The following SLC7A1 variants were observed in gnomAD, a reference collection of about 807,000 sequenced individuals.
SLC7A1 encodes solute carrier family 7 member 1.
A neutral mutation model predicts 53.9 loss-of-function variants in SLC7A1; 10 were observed. That is an observed-to-expected ratio of 0.19 (90% confidence interval 0.11 to 0.31). The LOEUF (loss-of-function observed/expected upper bound fraction) is 0.31. Among genes scored for constraint, SLC7A1 ranks in the 10% least tolerant of loss-of-function variants. The pLI is 1.00. For synonymous variants in SLC7A1, 342 were observed against 338.7 expected (o/e 1.01, Z -0.11); for missense variants, 525 against 827.2 (o/e 0.63, Z 4.48).
intron 1 of SLC7A1, among the ~76,000 whole-genome samples, chr13:29,591,701 AG>A (rs1872118815): frequency 1.3e-5 from 2 of 152,164 alleles, no homozygotes; most frequent in Non-Finnish European, 2.9e-5. Flanking sequence ...CAGAAAAGGG[AG>A]GGGGGCAAGG....
chr13:29,566,019 T>C (rs1870953847), intron 1 of SLC7A1, among the ~76,000 whole-genome samples: 1 of 152,204 alleles, frequency 6.6e-6, no homozygotes, highest in Non-Finnish European at 1.5e-5. Flanking sequence ...TTATTTATCC[T>C]TTCTGGGGCC....
chr13:29,524,039 C>T (rs2139081205), intron 6 of SLC7A1, 93 bp downstream of exon 6: 9 of 1,310,382 alleles, frequency 6.9e-6, no homozygotes, highest in South Asian at 1.3e-5. Flanking sequence ...AGAGCGGCGA[C>T]TGGACCGTGC....
chr13:29,590,671 G>A (rs1249201740), intron 1 of SLC7A1, among the ~76,000 whole-genome samples: 2 of 152,194 alleles, frequency 1.3e-5, no homozygotes, highest in Non-Finnish European at 2.9e-5. Flanking sequence ...GTCAGCAGAT[G>A]CCTCAGAGGC....
At chr13:29,584,118 TC>T (rs1264762919) in intron 1 of SLC7A1, among the ~76,000 whole-genome samples, 2 of 110,512 alleles carry the variant, frequency 1.8e-5, no homozygotes, top group African/African-American at 2.5e-5. Flanking sequence ...ACTTTTTTTT[TC>T]TTTTTTTTTT....
intron 6 of SLC7A1, 67 bp downstream of exon 6, chr13:29,524,065 T>G: frequency 6.6e-7 from 1 of 1,513,808 alleles, no homozygotes; most frequent in Non-Finnish European, 9.1e-7. Flanking sequence ...AGGAGGGAAA[T>G]GGCAAGCATT....
chr13:29,528,852 G>C (rs909161574), intron 5 of SLC7A1, among the ~76,000 whole-genome samples: 1 of 152,202 alleles, frequency 6.6e-6, no homozygotes, highest in Non-Finnish European at 1.5e-5. Flanking sequence ...GGTACAGCTA[G>C]CTCATCATTA....
intron 5 of SLC7A1, among the ~76,000 whole-genome samples, chr13:29,524,835 G>A (rs1278556666): frequency 6.6e-6 from 1 of 152,184 alleles, no homozygotes; most frequent in Non-Finnish European, 1.5e-5. Flanking sequence ...CCACGGGAGG[G>A]GCTCAGCACA....
intron 1 of SLC7A1, among the ~76,000 whole-genome samples, chr13:29,563,541 C>T (rs988269645): frequency 1.3e-5 from 2 of 152,192 alleles, no homozygotes; most frequent in Non-Finnish European, 2.9e-5. Context: ...AGGGGAAGAA[C>T]AGCAGTAAAG....
chr13:29,572,301 C>A (rs142833403), intron 1 of SLC7A1, among the ~76,000 whole-genome samples: 86 of 152,350 alleles, frequency 5.6e-4, no homozygotes, highest in Non-Finnish European at 1.0e-3. Context: ...ACGCTTCACA[C>A]AAGAGTCACT....
At chr13:29,525,923 C>A (rs1336810606) in intron 5 of SLC7A1, among the ~76,000 whole-genome samples, 2 of 152,238 alleles carry the variant, frequency 1.3e-5, no homozygotes, top group Non-Finnish European at 2.9e-5. Context: ...AATCCCCTCG[C>A]CTCTCAGGCC....
chr13:29,514,394 G>C lies in SLC7A1; in HGVS notation c.*86C>G. 2.2e-6 allele frequency: 2 copies of C among 922,730 alleles called. No homozygotes were observed. The allele number at this position is 922,730 out of a possible 1,614,324, so 57.2% of individuals were successfully genotyped here. ...GGTGTGGACGCAGGTGGTTTCTGTTGCACTGGTGGGGAGGGTGGGGTGCCT... is the reference window on the plus strand; with the variant it reads ...GGTGTGGACGCAGGTGGTTTCTGTTCCACTGGTGGGGAGGGTGGGGTGCCT... On this transcript the variant is annotated 3_prime_UTR_variant, in exon 13 of 13. Transcript: ENST00000380752.
At chr13:29,579,463 C>T (rs1871551599) in intron 1 of SLC7A1, among the ~76,000 whole-genome samples, 3 of 152,018 alleles carry the variant, frequency 2.0e-5, no homozygotes, top group South Asian at 4.2e-4. Flanking sequence ...TGAGTTCAAG[C>T]GATTCTCTTG....
At position 29,516,316 on chromosome 13, in the gene SLC7A1, A is replaced by G. The variant is rs1320511521; in HGVS notation, c.1678-70T>C. ...TTCCAATAGTTCAGTAAAACTGTCT[A>G]GTAAAGGCAGCACAACTGAGAGTGA... On this transcript the variant is annotated intron_variant, in intron 11 of 12. Coordinates refer to ENST00000380752, the MANE Select transcript of SLC7A1 (RefSeq NM_003045.5). The G allele has an allele frequency of 8.2e-6, 8 of 980,928 alleles. No individual in the cohort carries two copies. In the South Asian group the frequency reaches 1.1e-4, roughly 14 times the overall value. The allele number at this position is 980,928 out of a possible 1,614,324, so 60.8% of individuals were successfully genotyped here.
At chr13:29,594,114 T>G (rs1872212208) in intron 1 of SLC7A1, among the ~76,000 whole-genome samples, 1 of 152,388 alleles carries the variant, frequency 6.6e-6, no homozygotes, top group African/African-American at 2.4e-5. Context: ...GGAATAAATG[T>G]ATCATGGTTT....
chr13:29,545,945 C>T (rs1014935891), intron 2 of SLC7A1, among the ~76,000 whole-genome samples: 2 of 152,224 alleles, frequency 1.3e-5, no homozygotes, highest in Non-Finnish European at 2.9e-5. Flanking sequence ...GATGTGTTTC[C>T]ATCATCACTC....
chr13:29,530,026 G>A (rs1029661522), intron 5 of SLC7A1, among the ~76,000 whole-genome samples: 5 of 152,166 alleles, frequency 3.3e-5, no homozygotes, highest in South Asian at 2.1e-4. Flanking sequence ...AAATGTCGGC[G>A]AAAGACTATT....
chr13:29,555,621 G>T (rs1297469270), intron 1 of SLC7A1, among the ~76,000 whole-genome samples: 1 of 151,430 alleles, frequency 6.6e-6, no homozygotes, highest in Non-Finnish European at 1.5e-5. Context: ...GGCTGCCAAG[G>T]GGCCATGATT....
Position 29,510,925 on chromosome 13 carries a change from G to C in SLC7A1, c.*3555C>G, listed in dbSNP as rs1422978179. On this transcript the variant is annotated 3_prime_UTR_variant, in exon 13 of 13. Coordinates refer to ENST00000380752, the MANE Select transcript of SLC7A1 (RefSeq NM_003045.5). Reference sequence around the variant, plus strand: ...TGTTAAGTCTGGGTGGGGCCCCTATGGGGCATGTCCACGTGCCCCCCACCA... The same window carrying C: ...TGTTAAGTCTGGGTGGGGCCCCTATCGGGCATGTCCACGTGCCCCCCACCA... 1.3e-5 allele frequency: 2 copies of C among 152,296 alleles called. No homozygotes were observed. Among genetic ancestry groups the C allele is most frequent in the Non-Finnish European group, 2.9e-5 (2 of 68,094 alleles). 9.4% of individuals were successfully genotyped at this position (152,296 alleles called of 1,614,324 possible). A position where few individuals can be genotyped will look rare whatever the true frequency, so the allele number is the denominator to read the frequency against.
rs893762949 is a variant in SLC7A1, at chr13:29,530,581, C to T, written c.661G>A (p.Glu221Lys). The T allele has an allele frequency of 4.3e-6, 7 of 1,614,192 alleles. No individual in the cohort carries two copies. The highest frequency in any genetic ancestry group is 5.1e-6 in the Non-Finnish European group (6 of 1,180,040). Residue 221 changes from glutamate (E) to lysine (K), a missense_variant, in exon 5 of 13, where the codon GAG becomes AAG. This residue lies in a region of SLC7A1 where 354 missense variants were observed against 587.5 expected (regional missense o/e 0.60). Coordinates refer to ENST00000380752, the MANE Select transcript of SLC7A1 (RefSeq NM_003045.5). ...KGSVKNWQLT[E>K]EDFGNTSGRL... Reference sequence around the variant, plus strand: ...CCTGATGTGTTCCCAAAATCCTCCTCCGTGAGCTGCCAGTTTTTAACCGAT... The same window carrying T: ...CCTGATGTGTTCCCAAAATCCTCCTTCGTGAGCTGCCAGTTTTTAACCGAT...
Sources: gnomAD v4.1 joint callset for allele counts (sites outside exome capture counted in the v4.1 genomes callset) on GRCh38, gnomAD v4.1.1 for gene constraint, gnomAD v4.1.1 regional missense constraint, MANE v1.5 for transcripts, NCBI Gene and HGNC (gene_info 2026-07-23, HGNC 2026-07-21) for gene names.